The following SNX29 variants were observed in gnomAD, a reference collection of about 807,000 sequenced individuals.
SNX29 encodes sorting nexin 29.
SNX29 carries 78 observed loss-of-function variants against 102.1 expected under a neutral mutation model. The observed-to-expected ratio is 0.76, with a 90% confidence interval of 0.64 to 0.92. The LOEUF (loss-of-function observed/expected upper bound fraction) is 0.92, where lower values mean the gene tolerates loss of function less well. SNX29 is among the 40% of genes least tolerant of loss of function. The pLI, the probability that SNX29 is intolerant of heterozygous loss-of-function variation, is 0.00. For synonymous variants in SNX29, 580 were observed against 414.5 expected (o/e 1.40, Z -4.85); for missense variants, 1,280 against 1,061.7 (o/e 1.21, Z -2.86).
At chr16:12,148,995 C>T (rs1034749719) in intron 13 of SNX29, among the ~76,000 whole-genome samples, 2 of 152,200 alleles carry the variant, frequency 1.3e-5, no homozygotes, top group Non-Finnish European at 2.9e-5. Flanking sequence ...AGCCACCACG[C>T]CCGGCCTGCC....
intron 3 of SNX29, among the ~76,000 whole-genome samples, chr16:12,016,451 G>A (rs2056852113): frequency 6.6e-6 from 1 of 152,148 alleles, no homozygotes; most frequent in Admixed American, 6.5e-5. Context: ...TAATTTCACT[G>A]GCACAAGAGT....
At chr16:12,194,666 A>C (rs2076726156) in intron 13 of SNX29, among the ~76,000 whole-genome samples, 1 of 144,202 alleles carries the variant, frequency 6.9e-6, no homozygotes, top group African/African-American at 2.6e-5. Flanking sequence ...AGACTCTGTC[A>C]CCTAGGCTGG....
chr16:12,538,969 TATAAATAGGGAGAAG>T (rs964607258), intron 20 of SNX29, among the ~76,000 whole-genome samples: 1 of 152,140 alleles, frequency 6.6e-6, no homozygotes, highest in African/African-American at 2.4e-5. Flanking sequence ...AGGCAAGTGA[TATAAATAGGGAGAAG>T]ATAGAACAGA....
intron 13 of SNX29, among the ~76,000 whole-genome samples, chr16:12,173,898 G>A (rs1220663531): frequency 1.3e-5 from 2 of 152,152 alleles, no homozygotes; most frequent in Non-Finnish European, 2.9e-5. Context: ...TCCTGCCTCA[G>A]CCTCCTAAGT....
chr16:12,338,314 C>G (rs939814859), intron 15 of SNX29, among the ~76,000 whole-genome samples: 11 of 152,190 alleles, frequency 7.2e-5, no homozygotes, highest in African/African-American at 2.4e-4. Flanking sequence ...GGGAAGTACA[C>G]TCTGTTCAGA....
At chr16:12,105,698 T>C (rs1403565619) in intron 11 of SNX29, among the ~76,000 whole-genome samples, 1 of 152,148 alleles carries the variant, frequency 6.6e-6, no homozygotes, top group Non-Finnish European at 1.5e-5. Flanking sequence ...ATGCTGTGTT[T>C]CCAGGGTCTC....
chr16:12,420,540 G>A (rs187544610), intron 18 of SNX29, among the ~76,000 whole-genome samples: 3 of 152,312 alleles, frequency 2.0e-5, no homozygotes, highest in Admixed American at 6.5e-5. Flanking sequence ...TCAAGATGGA[G>A]TATGGTGTTG....
At chr16:12,532,772 G>T (rs527654925) in intron 20 of SNX29, among the ~76,000 whole-genome samples, 4 of 152,326 alleles carry the variant, frequency 2.6e-5, no homozygotes, top group South Asian at 2.1e-4. Flanking sequence ...GGAGCCTGGA[G>T]TCCATGGGGC....
chr16:12,263,078 A>G (rs1176563302), intron 14 of SNX29, among the ~76,000 whole-genome samples: 1 of 151,634 alleles, frequency 6.6e-6, no homozygotes, highest in Admixed American at 6.6e-5. Context: ...CCAGTGAAAT[A>G]TTAACTGACA....
chr16:12,496,529 T>TTTTTTC (rs1384093862), intron 19 of SNX29, among the ~76,000 whole-genome samples: 3 of 139,770 alleles, frequency 2.1e-5, no homozygotes, highest in Admixed American at 7.2e-5. Flanking sequence ...TTTTTTTTTT[T>TTTTTTC]AAACCTAGTC....
At chr16:12,507,575 C>G (rs1303050437) in intron 19 of SNX29, among the ~76,000 whole-genome samples, 4 of 152,036 alleles carry the variant, frequency 2.6e-5, no homozygotes, top group African/African-American at 9.7e-5. Context: ...TCACCATCCC[C>G]TGGGGCAAGA....
At chr16:12,041,105 C>G (rs185071495) in intron 4 of SNX29, among the ~76,000 whole-genome samples, 1 of 152,198 alleles carries the variant, frequency 6.6e-6, no homozygotes, top group East Asian at 1.9e-4. Flanking sequence ...CCGCGCCATC[C>G]TGTTTTTTTT....
chr16:12,062,963 G>A (rs147520916), intron 9 of SNX29, among the ~76,000 whole-genome samples: 283 of 152,326 alleles, frequency 1.9e-3, no homozygotes, highest in African/African-American at 6.7e-3. Context: ...ATGAGGCTGA[G>A]TGCTTCCTGT....
intron 20 of SNX29, among the ~76,000 whole-genome samples, chr16:12,540,089 TAGCCTAAACCC>T (rs1158929266): frequency 6.6e-6 from 1 of 152,256 alleles, no homozygotes; most frequent in Non-Finnish European, 1.5e-5. Flanking sequence ...TACCAATTGT[TAGCCTAAACCC>T]AGGTCATAAA....
chr16:12,245,019 T>TA (rs1016876572), intron 14 of SNX29, among the ~76,000 whole-genome samples: 7 of 152,326 alleles, frequency 4.6e-5, no homozygotes, highest in African/African-American at 1.4e-4. Flanking sequence ...AGCATCGCTT[T>TA]AAAAATAAGT....
intron 14 of SNX29, among the ~76,000 whole-genome samples, chr16:12,260,163 C>A (rs2078692205): frequency 6.6e-6 from 1 of 152,124 alleles, no homozygotes; most frequent in Admixed American, 6.5e-5. Flanking sequence ...TTTTTTAAAC[C>A]TATCTTTTTT....
At chr16:12,225,664 C>T (rs2077590985) in intron 14 of SNX29, among the ~76,000 whole-genome samples, 1 of 152,154 alleles carries the variant, frequency 6.6e-6, no homozygotes, top group African/African-American at 2.4e-5. Flanking sequence ...CAGGTCAGCC[C>T]AGGTACAAGT....
intron 11 of SNX29, among the ~76,000 whole-genome samples, chr16:12,106,633 C>T (rs1445032439): frequency 6.9e-6 from 1 of 144,582 alleles, no homozygotes; most frequent in Non-Finnish European, 1.5e-5. Context: ...GCCACCATGC[C>T]TGGCTCATTT....
chr16:11,987,843 A>C (rs2055692205), intron 1 of SNX29, among the ~76,000 whole-genome samples: 1 of 152,294 alleles, frequency 6.6e-6, no homozygotes, highest in East Asian at 1.9e-4. Flanking sequence ...TTTTTAGCTT[A>C]ATTTCCAAGG....
Sources: gnomAD v4.1 joint callset for allele counts (sites outside exome capture counted in the v4.1 genomes callset) on GRCh38, gnomAD v4.1.1 for gene constraint, MANE v1.5 for transcripts, NCBI Gene and HGNC (gene_info 2026-07-23, HGNC 2026-07-21) for gene names.